Variants in LMAN2 observed in about 807,000 individuals in gnomAD.
LMAN2 encodes lectin, mannose binding 2.
In LMAN2, 22 loss-of-function variants were observed where a neutral mutation model predicts 39.3. The ratio of observed to expected loss-of-function variants is 0.56; its 90% CI spans 0.40 to 0.80. The LOEUF (loss-of-function observed/expected upper bound fraction) is 0.80, where lower values mean the gene tolerates loss of function less well. LMAN2 is among the 30% of genes least tolerant of loss of function. The pLI is 0.00. For missense variants in LMAN2, 494 were observed against 505.4 expected (o/e 0.98, Z 0.22); for synonymous variants, 207 against 207.8 (o/e 1.00, Z 0.03).
Position 177,338,524 on chromosome 5 carries a change from T to A in LMAN2, c.397A>T (p.Ile133Phe). 1 of 1,614,222 alleles carries A rather than the reference T, an allele frequency of 6.2e-7. No individual in the cohort carries two copies. Among genetic ancestry groups the A allele is most frequent in the Non-Finnish European group, 8.5e-7 (1 of 1,180,022 alleles). ...CGGTCCCGGGTGTACCACAAGGCGA[T>A]GCCGTCTCCATGGAGGTTCTTCTTC... ...TGKKNLHGDG[I>F]ALWYTRDRLV... The change falls in exon 3 of 8, where the codon ATC (isoleucine) becomes TTC (phenylalanine). Residue 133 changes from isoleucine (I) to phenylalanine (F), a missense_variant. Ile to Phe is a conservative substitution (Grantham distance 21, BLOSUM62 0). Coordinates refer to ENST00000303127, the MANE Select transcript of LMAN2 (RefSeq NM_006816.3).
intron 2 of LMAN2, among the ~76,000 whole-genome samples, chr5:177,342,028 G>A (rs1331850446): frequency 1.3e-5 from 2 of 151,956 alleles, no homozygotes; most frequent in Non-Finnish European, 2.9e-5. Flanking sequence ...AATGAACAGA[G>A]AATAGGCAAT....
In LMAN2 at chr5:177,332,377, C is replaced by G; in HGVS notation, c.911-131G>C. 1 of 799,034 alleles carries G rather than the reference C, an allele frequency of 1.3e-6. No individual in the cohort carries two copies. The highest frequency in any genetic ancestry group is 2.7e-5 in the East Asian group (1 of 37,162). 49.5% of individuals were successfully genotyped at this position (799,034 alleles called of 1,614,324 possible). ...GGCCGGTCGTACTCACCCCCCTCAC[C>G]GGGGAGGGGCAGAGGTCAGGTGAAG... On this transcript the variant is annotated intron_variant, in intron 7 of 7. Coordinates refer to ENST00000303127, the MANE Select transcript of LMAN2 (RefSeq NM_006816.3). This position sits in a 1 kb window ranked among gnomAD's most constrained non-coding sequence, Gnocchi z 6.3.
chr5:177,351,100 G>T (rs1356243343), intron 2 of LMAN2, 73 bp downstream of exon 2: 5 of 1,318,880 alleles, frequency 3.8e-6, no homozygotes, highest in Non-Finnish European at 4.4e-6. Context: ...ACGAAGCTGG[G>T]GTCTCAGCTG....
chr5:177,345,341 A>G (rs1487282169), intron 2 of LMAN2, among the ~76,000 whole-genome samples: 1 of 131,992 alleles, frequency 7.6e-6, no homozygotes, highest in African/African-American at 3.7e-5. Flanking sequence ...ACCCTGTCTA[A>G]AAAAAAAAAA....
chr5:177,348,263 A>T (rs1229985601), intron 2 of LMAN2, among the ~76,000 whole-genome samples: 1 of 152,258 alleles, frequency 6.6e-6, no homozygotes, highest in African/African-American at 2.4e-5. Flanking sequence ...AAAATTGAAA[A>T]GTTTAAATTA....
intron 6 of LMAN2, 167 bp downstream of exon 6, chr5:177,336,969 C>A (rs910918377): frequency 9.8e-6 from 6 of 612,898 alleles, no homozygotes; most frequent in Non-Finnish European, 1.4e-5. Context: ...GCCCAGAAAC[C>A]ACAGGAACTG....
rs564639607 is a variant in LMAN2 at position 177,344,031 on chromosome 5, T to C, written c.316-5426A>G. ...TCGAGACCAGCCCGGGGCAGCATAG[T>C]GAGACCCCAGCTCTACAAAAAATTA... On this transcript the variant is annotated intron_variant, in intron 2 of 7. Coordinates refer to ENST00000303127, the MANE Select transcript of LMAN2 (RefSeq NM_006816.3). 1.2e-3 allele frequency among the ~76,000 whole-genome samples: 178 copies of C among 151,310 alleles called. 1 individual carries two copies. The highest frequency in any genetic ancestry group is 4.1e-3 in the African/African-American group (169 of 41,176).
At chr5:177,348,744 C>T (rs1341991874) in intron 2 of LMAN2, among the ~76,000 whole-genome samples, 3 of 143,472 alleles carry the variant, frequency 2.1e-5, no homozygotes, top group African/African-American at 5.2e-5. Context: ...ACTAGCTGGG[C>T]GTGGTGGTGC....
rs140455991 is a variant in LMAN2, at chr5:177,344,897, C to T, written c.315+6276G>A. ...CTCCAGCCTGGGCAACAGAGTGAGA[C>T]CCTGTCTCAAAAAAAGAAAAGAAAA... On this transcript the variant is annotated intron_variant, in intron 2 of 7. Transcript: ENST00000303127. 2.0e-3 allele frequency among the ~76,000 whole-genome samples: 306 copies of T among 150,276 alleles called. 1 individual carries two copies. Among genetic ancestry groups the T allele is most frequent in the African/African-American group, 7.1e-3 (287 of 40,538 alleles).
chr5:177,349,302 C>A (rs998089851), intron 2 of LMAN2, among the ~76,000 whole-genome samples: 35 of 152,130 alleles, frequency 2.3e-4, no homozygotes, highest in African/African-American at 8.2e-4. Flanking sequence ...ATGCCTCTCC[C>A]GGATGGAGTG....
intron 6 of LMAN2, among the ~76,000 whole-genome samples, chr5:177,334,970 G>C (rs1171358193): frequency 6.6e-6 from 1 of 152,178 alleles, no homozygotes; most frequent in Non-Finnish European, 1.5e-5. Flanking sequence ...CTGTGCCTGA[G>C]GAGACTGGGG....
At position 177,351,515 on chromosome 5, in the gene LMAN2, C is replaced by T; in HGVS notation, c.133G>A (p.Asp45Asn). The change falls in exon 1 of 8, where the codon GAT becomes AAT. Residue 45 changes from aspartate (D) to asparagine (N), a missense_variant. Asp to Asn is a conservative substitution (Grantham distance 23, BLOSUM62 1). Transcript: ENST00000303127. ...TGTTCACTGTTGCCGTCAGTTATAT[C>T]CGCAGTCACAGACCCCAACAACAAA... ...LLLLLGSVTA[D>N]ITDGNSEHLK... is the part of the protein sequence containing the mutation. 2 of 1,614,272 alleles carry T rather than the reference C, an allele frequency of 1.2e-6. No homozygotes were observed. Among genetic ancestry groups the T allele is most frequent in the Non-Finnish European group, 1.7e-6 (2 of 1,180,038 alleles).
At chr5:177,345,546 G>A (rs948265090) in intron 2 of LMAN2, among the ~76,000 whole-genome samples, 1 of 151,822 alleles carries the variant, frequency 6.6e-6, no homozygotes, top group Admixed American at 6.6e-5. Context: ...ATAAAGAAAT[G>A]GGAAAAAGTA....
In LMAN2 at chr5:177,337,710, G is replaced by C. The variant is rs1761496134; in HGVS notation, c.509C>G (p.Thr170Ser). 1.2e-6 allele frequency: 2 copies of C among 1,613,762 alleles called. No homozygotes were observed. The highest frequency in any genetic ancestry group is 1.7e-6 in the Non-Finnish European group (2 of 1,179,848). ...CAGGATAGAGCAGGGGCCTACCTCA[G>C]TGGTCTCATCATTGGGGTAGGTGTC... ...FLDTYPNDETTERVFPYISVM... is the reference protein window; with the variant it reads ...FLDTYPNDETSERVFPYISVM... The change falls in exon 4 of 8, where the codon ACT becomes AGT. Residue 170 changes from threonine to serine, a missense_variant. By Grantham distance (58) the Thr-to-Ser change is moderately conservative (BLOSUM62 1). Coordinates refer to ENST00000303127, the MANE Select transcript of LMAN2 (RefSeq NM_006816.3). The surrounding 1 kb of genome is among the most constrained non-coding windows in gnomAD (Gnocchi z 8.2).
Position 177,332,025 on chromosome 5 carries a change from G to GT in LMAN2, c.*60dup. Reference sequence around the variant, plus strand: ...ATCTTGTTGTTCTTTTATAATCCCGGTAAAAAAAAAAGTTCACATTGGCTC... The same window carrying GT: ...ATCTTGTTGTTCTTTTATAATCCCGGTTAAAAAAAAAAGTTCACATTGGCTC... On this transcript the variant is annotated 3_prime_UTR_variant, in exon 8 of 8. Coordinates refer to ENST00000303127, the MANE Select transcript of LMAN2 (RefSeq NM_006816.3). The surrounding 1 kb of genome is among the most constrained non-coding windows in gnomAD (Gnocchi z 6.3). 6 of 1,446,462 alleles carry GT rather than the reference G, an allele frequency of 4.1e-6. No individual in the cohort carries two copies. The highest frequency in any genetic ancestry group is 2.3e-5 in the Admixed American group (1 of 43,632). 89.6% of individuals were successfully genotyped at this position (1,446,462 alleles called of 1,614,324 possible).
At chr5:177,335,177 C>G (rs1376343573) in intron 6 of LMAN2, among the ~76,000 whole-genome samples, 1 of 152,194 alleles carries the variant, frequency 6.6e-6, no homozygotes. Flanking sequence ...TGAGCAAGAG[C>G]TCGGCCAGGC....
chr5:177,337,343 C>T lies in LMAN2; in HGVS notation c.675+20G>A, dbSNP rs994294806. 2.5e-6 allele frequency: 4 copies of T among 1,610,204 alleles called. No individual in the cohort carries two copies. Among genetic ancestry groups the T allele is most frequent in the African/African-American group, 2.7e-5 (2 of 74,920 alleles). ...AGCACAGGGCCACCAGCTGCCACCC[C>T]CACCGCCTAGCCTGCTCACCGTCAG... is the stretch of plus-strand genomic sequence containing the variant. On this transcript the variant is annotated intron_variant, in intron 5 of 7. Coordinates refer to ENST00000303127, the MANE Select transcript of LMAN2 (RefSeq NM_006816.3). The surrounding 1 kb of genome is among the most constrained non-coding windows in gnomAD (Gnocchi z 8.2).
At chr5:177,347,155 A>G (rs914383232) in intron 2 of LMAN2, among the ~76,000 whole-genome samples, 1 of 152,236 alleles carries the variant, frequency 6.6e-6, no homozygotes, top group Admixed American at 6.5e-5. Flanking sequence ...AAGTCAGCCC[A>G]GAAACCAGAT....
intron 2 of LMAN2, among the ~76,000 whole-genome samples, chr5:177,344,994 T>G (rs1761612982): frequency 1.3e-5 from 2 of 151,958 alleles, no homozygotes; most frequent in Non-Finnish European, 2.9e-5. Flanking sequence ...CATGTGCAGA[T>G]GTGTACGTAC....
Sources: allele counts gnomAD v4.1 joint callset (sites outside exome capture counted in the v4.1 genomes callset), GRCh38; gene constraint gnomAD v4.1.1; non-coding constraint Gnocchi (gnomAD v3.1); transcripts MANE v1.5; gene names NCBI Gene and HGNC (gene_info 2026-07-23, HGNC 2026-07-21).